The following ZNF516 variants were observed in gnomAD, a reference collection of about 807,000 sequenced individuals.
The protein encoded by ZNF516 is zinc finger protein 516.
ZNF516 carries 19 observed loss-of-function variants against 79.7 expected under a neutral mutation model. The ratio of observed to expected loss-of-function variants is 0.24; its 90% CI spans 0.17 to 0.35. The LOEUF is 0.35. Ranked by LOEUF, ZNF516 falls within the 10% of genes least tolerant of loss-of-function variation. ZNF516 has a pLI of 1.00. For synonymous variants in ZNF516, 877 were observed against 739.5 expected, an observed-to-expected ratio of 1.19 and a Z score of -3.02; for missense variants, 1,678 against 1,679.5, an observed-to-expected ratio of 1.00 and a Z score of 0.02.
In ZNF516 at chr18:76,380,176, G is replaced by A. The variant is rs202236090; in HGVS notation, c.1938C>T (p.Ile646=). The change falls in exon 4 of 7, where the codon ATC becomes ATT. Residue 646 remains isoleucine, a synonymous_variant. Transcript: ENST00000443185. The part of the protein sequence containing the change: ...ERDTGESKAG[I]AASVSILENS... ...TTTCAAGTATGGACACAGAAGCTGC[G>A]ATCCCTGCCTTGGACTCGCCGGTGT... is the stretch of plus-strand genomic sequence containing the variant. The A allele has an allele frequency of 8.1e-4, 1,300 of 1,613,936 alleles. 12 individuals carry two copies. Among genetic ancestry groups the A allele is most frequent in the Non-Finnish European group, 3.6e-4 (429 of 1,179,890 alleles).
At position 76,441,965 on chromosome 18, in the gene ZNF516, G is replaced by A; in HGVS notation, c.1090C>T (p.Arg364Cys). The change falls in exon 3 of 7, where the codon CGC (arginine) becomes TGC (cysteine). Residue 364 changes from arginine to cysteine, a missense_variant. Transcript: ENST00000443185. ...CCCTCCTCGGCCGGGGCGCGCGTGC[G>A]GCTGGCCTCGACTCTGCGGTGGATG... ...NAIHRRVEAS[R>C]TRAPAEEGAE... The A allele has an allele frequency of 1.2e-6, 2 of 1,612,454 alleles. No individual in the cohort carries two copies. The highest frequency in any genetic ancestry group is 1.7e-6 in the Non-Finnish European group (2 of 1,179,684).
At chr18:76,420,507 T>C (rs988466263) in intron 3 of ZNF516, among the ~76,000 whole-genome samples, 1 of 152,218 alleles carries the variant, frequency 6.6e-6, no homozygotes, top group African/African-American at 2.4e-5. Flanking sequence ...TTTAGGTATA[T>C]ATACACTATT....
intron 1 of ZNF516, chr18:76,491,806 G>C (rs1568336331): frequency 6.6e-6 from 1 of 151,986 alleles, no homozygotes; most frequent in African/African-American, 2.4e-5. Flanking sequence ...CTGCTGCTCA[G>C]ACACACCGAA....
intron 6 of ZNF516, among the ~76,000 whole-genome samples, chr18:76,370,296 A>C (rs1052003114): frequency 7.2e-5 from 11 of 152,006 alleles, no homozygotes; most frequent in Admixed American, 5.9e-4. Context: ...AATACAACCA[A>C]CAACCAGCTG....
intron 2 of ZNF516, among the ~76,000 whole-genome samples, chr18:76,444,564 C>G (rs1568300156): frequency 6.6e-6 from 1 of 152,208 alleles, no homozygotes; most frequent in Non-Finnish European, 1.5e-5. Flanking sequence ...TGAAAGATGA[C>G]AGGGCCACCC....
Position 76,359,230 on chromosome 18 carries a change from TAAGTA to T in ZNF516, c.*3263_*3267del, listed in dbSNP as rs1402577415. On this transcript the variant is annotated 3_prime_UTR_variant, in exon 7 of 7. Coordinates refer to ENST00000443185, the MANE Select transcript of ZNF516 (RefSeq NM_014643.4). ...TGTCTTTCTTGGTTTAAAAAATAAA[TAAGTA>T]AATATTGGGGGACCTCTTAAAACAC... 2 of 152,120 alleles carry T rather than the reference TAAGTA, an allele frequency of 1.3e-5. No homozygotes were observed. The highest frequency in any genetic ancestry group is 1.5e-5 in the Non-Finnish European group (1 of 68,006). 9.4% of individuals were successfully genotyped at this position (152,120 alleles called of 1,614,324 possible). A position where few individuals can be genotyped will look rare whatever the true frequency, so the allele number is the denominator to read the frequency against.
chr18:76,456,057 T>C (rs554894548), intron 2 of ZNF516, among the ~76,000 whole-genome samples: 2 of 152,262 alleles, frequency 1.3e-5, no homozygotes, highest in East Asian at 1.9e-4. Flanking sequence ...GTAGGACCCA[T>C]CAATAATGAG....
chr18:76,379,240 C>A lies in ZNF516; in HGVS notation c.2874G>T (p.Ala958=), dbSNP rs374426019. The change falls in exon 4 of 7, where the codon GCG becomes GCT. Residue 958 remains alanine (A), a synonymous_variant. Transcript: ENST00000443185. Reference sequence around the variant, plus strand: ...TATTTGTGGGGGCAAAGCCAGCCCCCGCTGGGGGGACCCCAAACTTCTCCA... The same window carrying A: ...TATTTGTGGGGGCAAAGCCAGCCCCAGCTGGGGGGACCCCAAACTTCTCCA... ...KPVEKFGVPP[A]GAGFAPTNKH... 6.2e-7 allele frequency: 1 copy of A among 1,612,642 alleles called. No homozygotes were observed. The highest frequency in any genetic ancestry group is 8.5e-7 in the Non-Finnish European group (1 of 1,179,648).
chr18:76,460,655 T>C (rs1168997746), intron 2 of ZNF516, among the ~76,000 whole-genome samples: 1 of 152,094 alleles, frequency 6.6e-6, no homozygotes, highest in African/African-American at 2.4e-5. Context: ...CAGTTGCTCA[T>C]GAAAGACAAG....
At position 76,401,303 on chromosome 18, in the gene ZNF516, CA is replaced by C. The variant is rs1480514518; in HGVS notation, c.1811-21001del. 6.9e-5 allele frequency among the ~76,000 whole-genome samples: 10 copies of C among 145,360 alleles called. No homozygotes were observed. In the East Asian group the frequency reaches 2.0e-3, roughly 29 times the overall value. On this transcript the variant is annotated intron_variant, in intron 3 of 6. Transcript: ENST00000443185. Reference sequence around the variant, plus strand: ...AAAAGAATTTCAAGCCCCAATTGAACAATGCCTCAGACAAATCTCTGGAAAG... The same window carrying C: ...AAAAGAATTTCAAGCCCCAATTGAACATGCCTCAGACAAATCTCTGGAAAG...
At chr18:76,412,045 T>C (rs2075377980) in intron 3 of ZNF516, among the ~76,000 whole-genome samples, 1 of 152,122 alleles carries the variant, frequency 6.6e-6, no homozygotes, top group Non-Finnish European at 1.5e-5. Context: ...TGTGGGTGTG[T>C]ATTCCAGATT....
rs947325904 is a variant in ZNF516 at position 76,451,999 on chromosome 18, G to A, written c.-157-8788C>T. Among the ~76,000 whole-genome samples, 5 of 152,126 alleles carry A rather than the reference G, an allele frequency of 3.3e-5. No individual in the cohort carries two copies. The highest frequency in any genetic ancestry group is 7.2e-5 in the African/African-American group (3 of 41,406). The stretch of plus-strand genomic sequence containing the variant: ...TACGGCCGATGACAGGCCTGGAGGC[G>A]GCTGCTGTTCTCAGACCAATCAATA... On this transcript the variant is annotated intron_variant, in intron 2 of 6. Transcript: ENST00000443185. The surrounding 1 kb of genome is among the most constrained non-coding windows in gnomAD (Gnocchi z 6.0).
At chr18:76,440,596 T>C (rs1042955647) in intron 3 of ZNF516, among the ~76,000 whole-genome samples, 4 of 152,212 alleles carry the variant, frequency 2.6e-5, no homozygotes, top group Admixed American at 1.3e-4. Context: ...AATATTTACA[T>C]GGCTATGTGA....
chr18:76,398,528 G>T (rs537309106), intron 3 of ZNF516, among the ~76,000 whole-genome samples: 1 of 152,142 alleles, frequency 6.6e-6, no homozygotes, highest in Non-Finnish European at 1.5e-5. Context: ...TGCTGACGCC[G>T]CTGGTAGATG....
At chr18:76,484,922 G>A (rs185641974) in intron 1 of ZNF516, among the ~76,000 whole-genome samples, 11 of 152,282 alleles carry the variant, frequency 7.2e-5, no homozygotes, top group African/African-American at 2.6e-4. Context: ...TGTCACCAGG[G>A]TAATTTACCG....
intron 1 of ZNF516, among the ~76,000 whole-genome samples, chr18:76,470,391 C>T (rs1913755744): frequency 6.6e-6 from 1 of 152,168 alleles, no homozygotes. Flanking sequence ...AACAGAGCTA[C>T]TCTTTCTGCA....
At chr18:76,395,106 A>AGCCTGCAT (rs146091093) in intron 3 of ZNF516, among the ~76,000 whole-genome samples, 4,865 of 152,272 alleles carry the variant, frequency 0.032, 248 homozygotes, top group African/African-American at 0.11. Context: ...TCACAGACAA[A>AGCCTGCAT]GCCTGCATGC....
intron 3 of ZNF516, chr18:76,387,731 A>C (rs891194491): frequency 3.9e-5 from 6 of 152,292 alleles, no homozygotes; most frequent in Admixed American, 1.3e-4. Flanking sequence ...GAGCAGGCCC[A>C]ATGCCTCTGC....
At chr18:76,492,815 G>A (rs1915312648) in intron 1 of ZNF516, 2 of 986,160 alleles carry the variant, frequency 2.0e-6, no homozygotes, top group South Asian at 9.4e-5. Flanking sequence ...CGTTCGGAGG[G>A]GGAGGCGCTC....
Sources: gnomAD v4.1 joint callset for allele counts (sites outside exome capture counted in the v4.1 genomes callset) on GRCh38, gnomAD v4.1.1 for gene constraint, Gnocchi (gnomAD v3.1) non-coding constraint, MANE v1.5 for transcripts, NCBI Gene and HGNC (gene_info 2026-07-23, HGNC 2026-07-21) for gene names.